The following SCUBE1 variants were observed in gnomAD, a reference collection of about 807,000 sequenced individuals.
The protein encoded by SCUBE1 is signal peptide, CUB domain and EGF like domain containing 1, also known as signal peptide, CUB and EGF-like domain-containing protein 1.
A neutral mutation model predicts 124.4 loss-of-function variants in SCUBE1; 59 were observed. The ratio of observed to expected loss-of-function variants is 0.47; its 90% confidence interval spans 0.38 to 0.59. SCUBE1 has a LOEUF of 0.59. Among genes scored for constraint, SCUBE1 ranks in the 20% least tolerant of loss-of-function variants. The probability of loss-of-function intolerance (pLI) is 0.00; values close to 1 mark genes in which losing one functional copy is unlikely to be tolerated. For missense variants in SCUBE1, 1,150 were observed against 1,371.2 expected (o/e 0.84, Z 2.55); for synonymous variants, 545 against 550.9 (o/e 0.99, Z 0.15).
chr22:43,274,531 A>G (rs1364801290), intron 4 of SCUBE1, among the ~76,000 whole-genome samples: 1 of 152,188 alleles, frequency 6.6e-6, no homozygotes, highest in South Asian at 2.1e-4. Context: ...TGCCACGAAC[A>G]GGGAAAAGGT....
rs1174792304 is a variant in SCUBE1 at position 43,211,221 on chromosome 22, A to T, written c.2222-138T>A. ...GTTCAAGGCTCCTCCCCACCGCCCC[A>T]TGACCTCCCACCACCCTCACTCCGC... On this transcript the variant is annotated intron_variant, in intron 17 of 21. Transcript: ENST00000360835. This position sits in a 1 kb window ranked among gnomAD's most constrained non-coding sequence, Gnocchi z 4.5. 7 of 830,896 alleles carry T rather than the reference A, an allele frequency of 8.4e-6. No individual in the cohort carries two copies. The highest frequency in any genetic ancestry group is 1.1e-5 in the Non-Finnish European group (6 of 532,212). 51.5% of individuals were successfully genotyped at this position (830,896 alleles called of 1,614,324 possible). A position where few individuals can be genotyped will look rare whatever the true frequency, so the allele number is the denominator to read the frequency against.
At chr22:43,334,706 C>T (rs1466421724) in intron 2 of SCUBE1, among the ~76,000 whole-genome samples, 1 of 152,172 alleles carries the variant, frequency 6.6e-6, no homozygotes, top group Non-Finnish European at 1.5e-5. Flanking sequence ...TCATCACCCC[C>T]ATCACCCTCA....
At chr22:43,338,368 G>A (rs1193913902) in intron 2 of SCUBE1, among the ~76,000 whole-genome samples, 1 of 152,158 alleles carries the variant, frequency 6.6e-6, no homozygotes, top group Non-Finnish European at 1.5e-5. Flanking sequence ...CCAAGCACTG[G>A]AACTTGAGAC....
intron 16 of SCUBE1, chr22:43,213,086 G>C (rs1222504833): frequency 1.2e-5 from 2 of 167,324 alleles, no homozygotes; most frequent in African/African-American, 4.8e-5. Flanking sequence ...GCACCCCTGG[G>C]ACAAAGGGAG....
chr22:43,251,960 A>T (rs988368151), intron 6 of SCUBE1, among the ~76,000 whole-genome samples: 3 of 152,196 alleles, frequency 2.0e-5, no homozygotes, highest in Non-Finnish European at 2.9e-5. Context: ...GTAAGCTCCC[A>T]TGCAGCACCC....
chr22:43,295,611 C>T (rs1170827791), intron 3 of SCUBE1, among the ~76,000 whole-genome samples: 3 of 152,238 alleles, frequency 2.0e-5, no homozygotes, highest in Non-Finnish European at 4.4e-5. Flanking sequence ...TTCAGCCATG[C>T]TCTAGGAATC....
At chr22:43,312,899 G>A (rs547305908) in intron 3 of SCUBE1, among the ~76,000 whole-genome samples, 80 of 152,260 alleles carry the variant, frequency 5.3e-4, no homozygotes, top group African/African-American at 1.8e-3. Flanking sequence ...GGTGCAGTTC[G>A]GGCACTATGG....
chr22:43,264,982 C>T (rs1181785174), intron 4 of SCUBE1, among the ~76,000 whole-genome samples: 2 of 152,260 alleles, frequency 1.3e-5, no homozygotes, highest in Non-Finnish European at 2.9e-5. Flanking sequence ...GTAAGCAGAT[C>T]TGTGCTTTCT....
intron 3 of SCUBE1, among the ~76,000 whole-genome samples, chr22:43,302,089 C>CAG (rs1466640215): frequency 6.6e-6 from 1 of 152,190 alleles, no homozygotes; most frequent in East Asian, 1.9e-4. Context: ...CAGGAGATGC[C>CAG]AGAGAAGGCT....
chr22:43,227,927 C>T (rs539293335), intron 9 of SCUBE1, among the ~76,000 whole-genome samples: 7 of 152,272 alleles, frequency 4.6e-5, no homozygotes, highest in South Asian at 2.1e-4. Flanking sequence ...AAGAGGTCAC[C>T]GCTAAGGCCT....
Position 43,223,120 on chromosome 22 carries a change from G to T in SCUBE1, c.1304C>A (p.Pro435Gln). 2 of 1,552,372 alleles carry T rather than the reference G, an allele frequency of 1.3e-6. No individual in the cohort carries two copies. Among genetic ancestry groups the T allele is most frequent in the South Asian group, 2.5e-5 (2 of 81,438 alleles). The change falls in exon 11 of 22, where the codon CCG becomes CAG. Residue 435 changes from proline to glutamine, a missense_variant. Around this residue, in one of 3 missense-constraint regions of SCUBE1, gnomAD observed 757 missense variants for 840.9 expected, o/e 0.90. Coordinates refer to ENST00000360835, the MANE Select transcript of SCUBE1 (RefSeq NM_173050.5). ...ACCTGGCACGAAGAGTGTGTGAGCCGGGCAGGAAAGGAAGCAGCTCTCCAC... is the reference window on the plus strand; with the variant it reads ...ACCTGGCACGAAGAGTGTGTGAGCCTGGCAGGAAAGGAAGCAGCTCTCCAC... ...GGVESCFLSC[P>Q]AHTLFVPDSE...
rs892725162 is a variant in SCUBE1 at position 43,198,854 on chromosome 22, G to A, written c.*5143C>T. The A allele has an allele frequency of 2.0e-5, 8 of 399,274 alleles. No individual in the cohort carries two copies. Among genetic ancestry groups the A allele is most frequent in the Non-Finnish European group, 4.0e-5 (8 of 198,192 alleles). 24.7% of individuals were successfully genotyped at this position (399,274 alleles called of 1,614,324 possible). A position where few individuals can be genotyped will look rare whatever the true frequency, so the allele number is the denominator to read the frequency against. On this transcript the variant is annotated 3_prime_UTR_variant, in exon 22 of 22. Transcript: ENST00000360835. ...CTGTCTATCTGCTGTCTGGGGAAGT[G>A]TGTCTGTCTGTCTGCTGTCTGGGGC...
chr22:43,341,196 C>T (rs1183760058), intron 1 of SCUBE1, among the ~76,000 whole-genome samples: 3 of 151,186 alleles, frequency 2.0e-5, no homozygotes, highest in Admixed American at 1.3e-4. Flanking sequence ...TAGACAGCTG[C>T]CCAGGGGAAG....
At chr22:43,243,005 T>C (rs550511519) in intron 6 of SCUBE1, among the ~76,000 whole-genome samples, 1 of 152,272 alleles carries the variant, frequency 6.6e-6, no homozygotes, top group Non-Finnish European at 1.5e-5. Flanking sequence ...AAAAATGGAA[T>C]TGCCTTGTTC....
rs369537534 is a variant in SCUBE1, at chr22:43,266,446, C to G, written c.485-3601G>C. On this transcript the variant is annotated intron_variant, in intron 4 of 21. Transcript: ENST00000360835. The stretch of plus-strand genomic sequence containing the variant: ...GCTGCATTGCTTTCACCTCCACTCA[C>G]GGGCAACACTGGCTTTTGGAGGCCA... Among the ~76,000 whole-genome samples the G allele has an allele frequency of 5.3e-5, 8 of 152,342 alleles. No homozygotes were observed. The East Asian group carries it at 1.5e-3, about 29-fold the overall frequency.
chr22:43,220,032 C>T (rs1180426799), intron 14 of SCUBE1, among the ~76,000 whole-genome samples: 4 of 152,238 alleles, frequency 2.6e-5, no homozygotes, highest in Admixed American at 6.5e-5. Context: ...TTGACACTCA[C>T]ATATAGCCAA....
Position 43,214,083 on chromosome 22 carries a change from C to T in SCUBE1, c.2053+7G>A, listed in dbSNP as rs1393532221. The T allele has an allele frequency of 1.6e-6, 2 of 1,230,828 alleles. No homozygotes were observed. The highest frequency in any genetic ancestry group is 1.5e-5 in the African/African-American group (1 of 64,886). 76.2% of individuals were successfully genotyped at this position (1,230,828 alleles called of 1,614,324 possible). ...ACCCCCACCTCTCCTTCTAGGCCCG[C>T]ACTTGCCTCCACATTCCGACACGTT... On this transcript the variant is annotated splice_region_variant and intron_variant, in intron 16 of 21. Transcript: ENST00000360835.
rs75445291 is a variant in SCUBE1 at position 43,246,507 on chromosome 22, G to T, written c.728-7553C>A. On this transcript the variant is annotated intron_variant, in intron 6 of 21. Transcript: ENST00000360835. ...ACTGATCAGGCTCATGCCAGGCCCT[G>T]TGCAAAGCCTGGGGAGGCAGAGCTA... Among the ~76,000 whole-genome samples, 136 of 152,366 alleles carry T rather than the reference G, an allele frequency of 8.9e-4. No individual in the cohort carries two copies. The East Asian group carries it at 0.022, about 25-fold the overall frequency.
intron 3 of SCUBE1, among the ~76,000 whole-genome samples, chr22:43,316,007 C>T (rs901096434): frequency 6.6e-5 from 10 of 152,208 alleles, no homozygotes; most frequent in African/African-American, 1.2e-4. Flanking sequence ...GCCGTGGGAG[C>T]GCACATGGTG....
Sources: gnomAD v4.1 joint callset for allele counts (sites outside exome capture counted in the v4.1 genomes callset) on GRCh38, gnomAD v4.1.1 for gene constraint, gnomAD v4.1.1 regional missense constraint, Gnocchi (gnomAD v3.1) non-coding constraint, MANE v1.5 for transcripts, NCBI Gene and HGNC (gene_info 2026-07-23, HGNC 2026-07-21) for gene names.